Variants in ZDHHC6 observed in about 807,000 individuals in gnomAD.
ZDHHC6 encodes palmitoyltransferase ZDHHC6.
Under a neutral mutation model 57.8 loss-of-function variants are expected in ZDHHC6, and 32 were observed. That is an observed-to-expected ratio of 0.55 (90% CI 0.42 to 0.74). ZDHHC6 has a LOEUF of 0.74. Ranked by LOEUF, ZDHHC6 falls within the 30% of genes least tolerant of loss-of-function variation. The probability of loss-of-function intolerance (pLI) is 0.00; values close to 1 mark genes in which losing one functional copy is unlikely to be tolerated. For synonymous variants in ZDHHC6, 128 were observed against 158.0 expected (o/e 0.81, Z 1.42); for missense variants, 433 against 500.7 (o/e 0.86, Z 1.29).
At chr10:112,427,195 ATG>A (rs751452222), downstream of ZDHHC6, 2 of 1,603,058 alleles carry the variant, frequency 1.2e-6, no homozygotes, top group Non-Finnish European at 1.7e-6. Flanking sequence ...ATGAGCATGG[ATG>A]TGTGTGTGTT....
intron 5 of ZDHHC6, among the ~76,000 whole-genome samples, chr10:112,439,854 CAA>C (rs1169415761): frequency 1.3e-5 from 2 of 151,686 alleles, no homozygotes; most frequent in Admixed American, 6.6e-5. Flanking sequence ...TAGAAATTAG[CAA>C]AGTGATTCAT....
In ZDHHC6 at chr10:112,440,804, G is replaced by A. The variant is rs568992700; in HGVS notation, c.520-109C>T. 13 of 916,998 alleles carry A rather than the reference G, an allele frequency of 1.4e-5. No individual in the cohort carries two copies. The East Asian group carries it at 3.8e-4, about 27-fold the overall frequency. 56.8% of individuals were successfully genotyped at this position (916,998 alleles called of 1,614,324 possible). ...ATCAAAGAGATAACAACGTGGCCCTGTGGCCAACGCAAACACAGCTATTTT... is the reference window on the plus strand; with the variant it reads ...ATCAAAGAGATAACAACGTGGCCCTATGGCCAACGCAAACACAGCTATTTT... On this transcript the variant is annotated intron_variant, in intron 4 of 10. Coordinates refer to ENST00000369405, the MANE Select transcript of ZDHHC6 (RefSeq NM_022494.3).
At chr10:112,434,539 T>C (rs1845344283) in intron 6 of ZDHHC6, 75 bp from the exon 7 acceptor site, 1 of 1,367,694 alleles carries the variant, frequency 7.3e-7, no homozygotes, top group African/African-American at 1.5e-5. Context: ...TTGAGAACAC[T>C]TATTTCTCAA....
At chr10:112,441,809 G>T (rs1480813261) in intron 4 of ZDHHC6, among the ~76,000 whole-genome samples, 4 of 152,112 alleles carry the variant, frequency 2.6e-5, no homozygotes, top group African/African-American at 9.7e-5. Context: ...CACCTTCCAG[G>T]GCACTAGAAT....
upstream of ZDHHC6, chr10:112,447,459 TC>T (rs781678741): frequency 6.2e-7 from 1 of 1,613,294 alleles, no homozygotes; most frequent in East Asian, 2.2e-5. Flanking sequence ...GTCCCACGAC[TC>T]CCGCCTGGTG....
intron 3 of ZDHHC6, 120 bp downstream of exon 3, chr10:112,443,395 A>G: frequency 1.4e-6 from 1 of 737,336 alleles, no homozygotes; most frequent in South Asian, 2.1e-5. Context: ...TTCTGACAAT[A>G]TTGTTTATAA....
intron 6 of ZDHHC6, among the ~76,000 whole-genome samples, chr10:112,436,430 T>C (rs970142771): frequency 3.9e-5 from 6 of 152,286 alleles, no homozygotes; most frequent in Non-Finnish European, 8.8e-5. Context: ...GAGCCAAGAT[T>C]GTGCCACTGC....
At chr10:112,426,729 G>C, downstream of ZDHHC6, 3 of 1,504,628 alleles carry the variant, frequency 2.0e-6, no homozygotes, top group South Asian at 3.4e-5. Flanking sequence ...GTTGGTTCAT[G>C]CTTAGCCCTT....
chr10:112,434,202 A>G (rs1403726918), intron 7 of ZDHHC6, 95 bp downstream of exon 7: 3 of 1,235,192 alleles, frequency 2.4e-6, no homozygotes, highest in East Asian at 4.9e-5. Context: ...CATTCATATT[A>G]CTTATTTTAC....
intron 7 of ZDHHC6, chr10:112,433,607 T>G (rs1222593891): frequency 4.5e-6 from 1 of 223,974 alleles, no homozygotes; most frequent in African/African-American, 2.2e-5. Flanking sequence ...AACACTGAGA[T>G]TCACTGATTC....
chr10:112,442,482 A>T, intron 3 of ZDHHC6, 131 bp from the exon 4 acceptor site: 1 of 824,284 alleles, frequency 1.2e-6, no homozygotes, highest in Non-Finnish European at 1.8e-6. Flanking sequence ...TACTTCATGG[A>T]ACAGAAAGAA....
chr10:112,426,999 A>G, downstream of ZDHHC6: 1 of 887,524 alleles, frequency 1.1e-6, no homozygotes, highest in Non-Finnish European at 1.8e-6. Flanking sequence ...GACCTTTTGT[A>G]GTTACTTGTA....
rs150048788 is a variant in ZDHHC6, at chr10:112,445,260, G to A, written c.177C>T (p.Ile59=). Residue 59 remains isoleucine (I), a synonymous_variant, in exon 2 of 11, where the codon ATC becomes ATT. Transcript: ENST00000369405. The part of the protein sequence containing the change: ...LHTTGGSVNF[I]MLINWTVMIL... ...TCATGACAGTCCAATTTATCAACATGATGAAATTCACACTTCCTCCAGTTG... is the reference window on the plus strand; with the variant it reads ...TCATGACAGTCCAATTTATCAACATAATGAAATTCACACTTCCTCCAGTTG... 67 of 1,614,022 alleles carry A rather than the reference G, an allele frequency of 4.2e-5. No homozygotes were observed. Among genetic ancestry groups the A allele is most frequent in the Non-Finnish European group, 5.5e-5 (65 of 1,180,030 alleles).
chr10:112,431,512 C>A (rs1272094263), intron 10 of ZDHHC6, among the ~76,000 whole-genome samples: 3 of 152,038 alleles, frequency 2.0e-5, no homozygotes, highest in Non-Finnish European at 4.4e-5. Context: ...TAGGGTTTCA[C>A]CATGTTGGCC....
At chr10:112,442,870 G>A (rs1030218178) in intron 3 of ZDHHC6, among the ~76,000 whole-genome samples, 3 of 151,732 alleles carry the variant, frequency 2.0e-5, no homozygotes, top group African/African-American at 7.3e-5. Context: ...ATAAGATATG[G>A]TATAATAAAC....
exon 12 of ZDHHC6, chr10:112,424,736 C>T (rs1411800223): frequency 6.6e-6 from 1 of 152,024 alleles, no homozygotes; most frequent in Non-Finnish European, 1.5e-5. Context: ...AATTCAAATC[C>T]CTAAAGACCT....
chr10:112,443,248 T>C (rs1382520716), intron 3 of ZDHHC6, among the ~76,000 whole-genome samples: 5 of 152,258 alleles, frequency 3.3e-5, no homozygotes, highest in Admixed American at 3.3e-4. Context: ...TATACCTTTT[T>C]CCCTTGTTCT....
upstream of ZDHHC6, chr10:112,447,256 C>T: frequency 9.2e-7 from 1 of 1,089,002 alleles, no homozygotes; most frequent in Non-Finnish European, 1.3e-6. Context: ...GTCCCCGGTT[C>T]TCCGTTCTGC....
At chr10:112,432,609 C>A in intron 8 of ZDHHC6, 88 bp from the exon 9 acceptor site, 1 of 1,491,354 alleles carries the variant, frequency 6.7e-7, no homozygotes, top group Non-Finnish European at 9.0e-7. Flanking sequence ...AAGCAAGATC[C>A]AAAATATCCA....
Sources: allele counts gnomAD v4.1 joint callset (sites outside exome capture counted in the v4.1 genomes callset), GRCh38; gene constraint gnomAD v4.1.1; transcripts MANE v1.5; gene names NCBI Gene and HGNC (gene_info 2026-07-23, HGNC 2026-07-21).